TAFA5: variants seen among roughly 807,000 people sequenced by gnomAD.
TAFA5 encodes the protein TAFA chemokine like family member 5, also known as chemokine-like protein TAFA-5.
TAFA5 carries 6 observed loss-of-function variants against 15.3 expected under a neutral mutation model. The observed-to-expected ratio is 0.39, with a 90% CI of 0.21 to 0.77. The LOEUF (loss-of-function observed/expected upper bound fraction) is 0.77. TAFA5 is among the 30% of genes least tolerant of loss of function. The probability of loss-of-function intolerance (pLI) is 0.41; values close to 1 mark genes in which losing one functional copy is unlikely to be tolerated. For missense variants in TAFA5, 161 were observed against 193.1 expected (o/e 0.83, Z 0.98); for synonymous variants, 103 against 80.7 (o/e 1.28, Z -1.48).
At chr22:48,694,834 GCCCCCACCCCCCGCCGCTCCAGACTTCCA>G (rs1372321212) in intron 2 of TAFA5, among the ~76,000 whole-genome samples, 2 of 39,150 alleles carry the variant, frequency 5.1e-5, no homozygotes, top group African/African-American at 2.2e-4. Context: ...TCCGACCTCC[GCCCCCACCCCCCGCCGCTCCAGACTTCCA>G]CCCCCACCTG....
At chr22:48,709,659 C>G (rs189043533) in intron 3 of TAFA5, among the ~76,000 whole-genome samples, 17 of 152,276 alleles carry the variant, frequency 1.1e-4, no homozygotes, top group Middle Eastern at 3.4e-3. Flanking sequence ...TTGAGGCCCA[C>G]GAGGCGCCCA....
At chr22:48,729,261 A>T (rs896865315) in intron 3 of TAFA5, among the ~76,000 whole-genome samples, 1 of 82,198 alleles carries the variant, frequency 1.2e-5, no homozygotes, top group South Asian at 3.0e-4. Context: ...AATATATAAT[A>T]ATTTTATATT....
At chr22:48,570,414 A>T (rs1923543031) in intron 1 of TAFA5, among the ~76,000 whole-genome samples, 2 of 152,256 alleles carry the variant, frequency 1.3e-5, no homozygotes, top group South Asian at 4.1e-4. Flanking sequence ...ATGACAAAGG[A>T]AAGTTCCAAA....
At chr22:48,690,354 G>C (rs927063890) in intron 2 of TAFA5, among the ~76,000 whole-genome samples, 11 of 152,102 alleles carry the variant, frequency 7.2e-5, no homozygotes, top group Non-Finnish European at 1.3e-4. Context: ...AGGCAGGTGT[G>C]AGGGCCGGGG....
At chr22:48,493,486 G>A (rs758428239) in intron 1 of TAFA5, among the ~76,000 whole-genome samples, 1 of 152,222 alleles carries the variant, frequency 6.6e-6, no homozygotes, top group Non-Finnish European at 1.5e-5. Context: ...ATTTAGGAGC[G>A]ATTAGAATAT....
In TAFA5 at chr22:48,593,685, A is replaced by G. The variant is rs145684656; in HGVS notation, c.113-52912A>G. ...TCTCACCGCGCGCTCGGGTGCAGTG[A>G]ACTCTGGGAGCCGTCGCAGCCCAGG... On this transcript the variant is annotated intron_variant, in intron 1 of 3. Transcript: ENST00000402357. 3.5e-4 allele frequency among the ~76,000 whole-genome samples: 53 copies of G among 152,276 alleles called. No homozygotes were observed. The East Asian group carries it at 6.0e-3, about 17-fold the overall frequency.
At chr22:48,704,021 G>A (rs1928999683) in intron 2 of TAFA5, among the ~76,000 whole-genome samples, 3 of 152,210 alleles carry the variant, frequency 2.0e-5, no homozygotes, top group Admixed American at 1.3e-4. Context: ...GGGGGTTTCT[G>A]AGGCCCCGTT....
rs774195163 is a variant in TAFA5, at chr22:48,646,712, C to T, written c.228C>T (p.Ala76=). 53 of 1,598,516 alleles carry T rather than the reference C, an allele frequency of 3.3e-5. No homozygotes were observed. In the East Asian group the frequency reaches 5.2e-4, roughly 16 times the overall value. The change falls in exon 2 of 4, where the codon GCC becomes GCT. Residue 76 remains alanine (A), a synonymous_variant. Transcript: ENST00000402357. ...GTGCGTGTAGAAAGGGGCAGATCGC[C>T]GGCACCACGAGAGCCCGGCCCGCCT... is the stretch of plus-strand genomic sequence containing the variant. ...ARCACRKGQI[A]GTTRARPACV... is the part of the protein sequence containing the mutation.
chr22:48,705,779 G>C (rs1441200213), intron 2 of TAFA5, among the ~76,000 whole-genome samples: 1 of 152,248 alleles, frequency 6.6e-6, no homozygotes, highest in Non-Finnish European at 1.5e-5. Flanking sequence ...CGGTATGTTA[G>C]CACACATGTG....
intron 3 of TAFA5, among the ~76,000 whole-genome samples, chr22:48,741,407 C>T (rs930582137): frequency 5.9e-5 from 9 of 152,306 alleles, no homozygotes; most frequent in African/African-American, 1.9e-4. Flanking sequence ...GGGAAGGTGG[C>T]GGGACTCTAG....
At chr22:48,524,467 G>A (rs188509722) in intron 1 of TAFA5, among the ~76,000 whole-genome samples, 1 of 152,322 alleles carries the variant, frequency 6.6e-6, no homozygotes, top group East Asian at 1.9e-4. Context: ...CTGGACACTT[G>A]GCAGTCAAAA....
chr22:48,706,285 G>A (rs1302995720), intron 2 of TAFA5, among the ~76,000 whole-genome samples: 2 of 152,250 alleles, frequency 1.3e-5, no homozygotes, highest in Admixed American at 1.3e-4. Context: ...CATCCAACAA[G>A]ATGAGTTCCA....
chr22:48,496,753 C>T (rs534848008), intron 1 of TAFA5, among the ~76,000 whole-genome samples: 10 of 152,272 alleles, frequency 6.6e-5, no homozygotes, highest in African/African-American at 2.4e-4. Context: ...CGGGGTGGTC[C>T]AGCCATCAGG....
At chr22:48,574,419 G>A (rs968595858) in intron 1 of TAFA5, among the ~76,000 whole-genome samples, 1 of 152,184 alleles carries the variant, frequency 6.6e-6, no homozygotes, top group Non-Finnish European at 1.5e-5. Context: ...TCCTGACTCT[G>A]CCCTTGACTT....
At chr22:48,616,742 C>T (rs1246643113) in intron 1 of TAFA5, among the ~76,000 whole-genome samples, 1 of 149,536 alleles carries the variant, frequency 6.7e-6, no homozygotes, top group Non-Finnish European at 1.5e-5. Flanking sequence ...CGAGGTGGGT[C>T]AGCAGCGAGA....
At chr22:48,646,488 C>T in intron 1 of TAFA5, 109 bp from the exon 2 acceptor site, 1 of 1,389,908 alleles carries the variant, frequency 7.2e-7, no homozygotes, top group Non-Finnish European at 9.8e-7. Flanking sequence ...GTCTCCCTGC[C>T]CTGTGGCCTG....
chr22:48,582,241 G>A (rs117589293), intron 1 of TAFA5, among the ~76,000 whole-genome samples: 6 of 150,776 alleles, frequency 4.0e-5, no homozygotes, highest in East Asian at 2.0e-4. Flanking sequence ...AAAACACAAC[G>A]CATACCATAC....
intron 2 of TAFA5, among the ~76,000 whole-genome samples, chr22:48,697,419 A>G (rs1248070146): frequency 6.6e-6 from 1 of 151,112 alleles, no homozygotes. Context: ...TGATGATGAC[A>G]AGGATGAGGA....
At chr22:48,601,695 A>G (rs1450166943) in intron 1 of TAFA5, among the ~76,000 whole-genome samples, 1 of 152,138 alleles carries the variant, frequency 6.6e-6, no homozygotes, top group Non-Finnish European at 1.5e-5. Flanking sequence ...CATTCTGTGA[A>G]GTTTTCCCCA....
Sources: allele counts gnomAD v4.1 joint callset (sites outside exome capture counted in the v4.1 genomes callset), GRCh38; gene constraint gnomAD v4.1.1; transcripts MANE v1.5; gene names NCBI Gene and HGNC (gene_info 2026-07-23, HGNC 2026-07-21).